Variants in ARHGAP6 observed in about 807,000 individuals in gnomAD.
The protein encoded by ARHGAP6 is Rho GTPase activating protein 6, also known as rho GTPase-activating protein 6.
Under a neutral mutation model 55.7 loss-of-function variants are expected in ARHGAP6, and 16 were observed. The observed-to-expected ratio is 0.29, with a 90% CI of 0.19 to 0.44. The LOEUF (loss-of-function observed/expected upper bound fraction) is 0.44. Ranked by LOEUF, ARHGAP6 falls within the 20% of genes least tolerant of loss-of-function variation. The pLI, the probability that ARHGAP6 is intolerant of heterozygous loss-of-function variation, is 1.00. For synonymous variants in ARHGAP6, 382 were observed against 360.9 expected, an observed-to-expected ratio of 1.06 and a Z score of -0.66; for missense variants, 698 against 808.9, an observed-to-expected ratio of 0.86 and a Z score of 1.66.
chrX:11,362,014 G>A (rs1696741416), intron 1 of ARHGAP6, among the ~76,000 whole-genome samples: 1 of 111,734 alleles, frequency 8.9e-6, no homozygotes, highest in Non-Finnish European at 1.9e-5. Context: ...AACAGGTGCT[G>A]GAGAGGATGT....
chrX:11,590,332 C>T (rs1396001077), intron 1 of ARHGAP6, among the ~76,000 whole-genome samples: 2 of 111,291 alleles, frequency 1.8e-5, no homozygotes, highest in African/African-American at 3.3e-5. Context: ...GTTTTATCAT[C>T]TCCAATAATA....
At chrX:11,211,771 T>C (rs1194258416) in intron 2 of ARHGAP6, among the ~76,000 whole-genome samples, 1 of 110,229 alleles carries the variant, frequency 9.1e-6, no homozygotes, top group African/African-American at 3.3e-5. Context: ...CTCGAACTCC[T>C]GACCCGTGAT....
chrX:11,226,440 A>C (rs1420587903), intron 2 of ARHGAP6, among the ~76,000 whole-genome samples: 1 of 111,534 alleles, frequency 9.0e-6, no homozygotes, highest in Non-Finnish European at 1.9e-5. Context: ...TTGGTTATAC[A>C]TTATAAATTA....
chrX:11,216,711 A>G (rs1302342315), intron 2 of ARHGAP6, among the ~76,000 whole-genome samples: 2 of 97,370 alleles, frequency 2.1e-5, no homozygotes, highest in African/African-American at 8.5e-5. Flanking sequence ...ATTTTGATGT[A>G]ACTTTTTTCT....
intron 1 of ARHGAP6, among the ~76,000 whole-genome samples, chrX:11,604,369 T>C (rs2052010268): frequency 9.0e-6 from 1 of 110,924 alleles, no homozygotes; most frequent in South Asian, 3.8e-4. Flanking sequence ...GTGTAGATGG[T>C]AGATATAAGT....
At chrX:11,241,260 C>A (rs1326351781) in intron 2 of ARHGAP6, among the ~76,000 whole-genome samples, 1 of 109,279 alleles carries the variant, frequency 9.2e-6, no homozygotes, top group Non-Finnish European at 1.9e-5. Flanking sequence ...GGGGTTTCCA[C>A]CAGCTTAGTT....
chrX:11,257,487 C>T (rs1404153432), intron 1 of ARHGAP6, among the ~76,000 whole-genome samples: 1 of 112,443 alleles, frequency 8.9e-6, no homozygotes, highest in African/African-American at 3.2e-5. Context: ...ACTTTATTTA[C>T]AAAAACAGCA....
At chrX:11,387,762 T>C (rs952062628) in intron 1 of ARHGAP6, among the ~76,000 whole-genome samples, 3 of 110,800 alleles carry the variant, frequency 2.7e-5, no homozygotes, top group Non-Finnish European at 5.7e-5. Context: ...GTCCATGTGT[T>C]CTTATTGTTC....
intron 1 of ARHGAP6, among the ~76,000 whole-genome samples, chrX:11,618,083 G>T (rs1393410500): frequency 1.8e-5 from 2 of 111,713 alleles, no homozygotes; most frequent in East Asian, 2.8e-4. Flanking sequence ...GAAAATAGAA[G>T]AAGTTATACT....
At chrX:11,457,665 C>T (rs1215780944) in intron 1 of ARHGAP6, among the ~76,000 whole-genome samples, 3 of 111,444 alleles carry the variant, frequency 2.7e-5, no homozygotes, top group Non-Finnish European at 5.7e-5. Context: ...GGGCGATCTC[C>T]GGCAATGGAA....
At chrX:11,523,084 A>T (rs371407072) in intron 1 of ARHGAP6, among the ~76,000 whole-genome samples, 1 of 111,889 alleles carries the variant, frequency 8.9e-6, no homozygotes. Flanking sequence ...TTCAACATAC[A>T]CAAATCAATA....
intron 1 of ARHGAP6, among the ~76,000 whole-genome samples, chrX:11,652,408 C>T (rs1203972726): frequency 8.9e-6 from 1 of 112,188 alleles, no homozygotes; most frequent in Non-Finnish European, 1.9e-5. Flanking sequence ...CCAACAAAAA[C>T]AAGCAATGGG....
chrX:11,195,082 G>T (rs1423004969), intron 3 of ARHGAP6, among the ~76,000 whole-genome samples: 1 of 111,935 alleles, frequency 8.9e-6, no homozygotes, highest in Non-Finnish European at 1.9e-5. Context: ...CAAAAAGTGC[G>T]GTGGCTCATG....
intron 1 of ARHGAP6, among the ~76,000 whole-genome samples, chrX:11,398,774 T>C (rs5935052): frequency 0.05 from 5,634 of 111,795 alleles, 130 homozygotes; most frequent in African/African-American, 0.09. Context: ...GAATTCTAAA[T>C]GTCCTAATTT....
rs756433427 is a variant in ARHGAP6, at chrX:11,217,537, C to T, written c.749-20541G>A. On this transcript the variant is annotated intron_variant, in intron 2 of 12. Coordinates refer to ENST00000337414, the MANE Select transcript of ARHGAP6 (RefSeq NM_013427.3). ...TCTTTTCAGAAGTGTCTGTTCATAA[C>T]CTTCACTCACTTTTTGATGGGGTTG... 3.3e-3 allele frequency among the ~76,000 whole-genome samples: 368 copies of T among 111,985 alleles called. 1 individual carries two copies. The highest frequency in any genetic ancestry group is 4.6e-3 in the Middle Eastern group (1 of 218).
chrX:11,645,604 A>G (rs1185923512), intron 1 of ARHGAP6, among the ~76,000 whole-genome samples: 1 of 112,189 alleles, frequency 8.9e-6, no homozygotes, highest in Non-Finnish European at 1.9e-5. Context: ...GTTTCAAATA[A>G]AGTTATTTGT....
intron 4 of ARHGAP6, among the ~76,000 whole-genome samples, chrX:11,187,507 TAGA>T (rs762475728): frequency 1.1e-4 from 12 of 112,267 alleles, no homozygotes; most frequent in Non-Finnish European, 1.3e-4. Context: ...ATGACAGAAT[TAGA>T]AGAACAATTC....
chrX:11,231,322 C>G (rs1406327673), intron 2 of ARHGAP6, among the ~76,000 whole-genome samples: 1 of 112,108 alleles, frequency 8.9e-6, no homozygotes, highest in African/African-American at 3.2e-5. Context: ...TTGTCTCACT[C>G]AGCAGCTGAA....
chrX:11,573,534 C>T lies in ARHGAP6; in HGVS notation c.588+90707G>A, dbSNP rs996971887. ...TATTTCTGAGGGCTCTGTTCTGTTC[C>T]ATTGATCTATATCTCTGTTTTGGTA... On this transcript the variant is annotated intron_variant, in intron 1 of 12. Transcript: ENST00000337414. Among the ~76,000 whole-genome samples the T allele has an allele frequency of 7.9e-4, 86 of 109,209 alleles. No individual in the cohort carries two copies. The Middle Eastern group carries it at 0.014, about 18-fold the overall frequency. The allele number at this position is 109,209 out of a possible 115,157, so 94.8% of individuals were successfully genotyped here. A position where few individuals can be genotyped will look rare whatever the true frequency, so the allele number is the denominator to read the frequency against.
Sources: gnomAD v4.1 joint callset for allele counts (sites outside exome capture counted in the v4.1 genomes callset) on GRCh38, gnomAD v4.1.1 for gene constraint, MANE v1.5 for transcripts, NCBI Gene and HGNC (gene_info 2026-07-23, HGNC 2026-07-21) for gene names.